The following EPS8 variants were observed in gnomAD, a reference collection of about 807,000 sequenced individuals.
EPS8 encodes epidermal growth factor receptor kinase substrate 8.
A neutral mutation model predicts 103.8 loss-of-function variants in EPS8; 42 were observed. The ratio of observed to expected loss-of-function variants is 0.40; its 90% CI spans 0.32 to 0.52. The LOEUF is 0.52. EPS8 is among the 20% of genes least tolerant of loss of function. The pLI is 0.40. For missense variants in EPS8, 969 were observed against 1,005.1 expected, an observed-to-expected ratio of 0.96 and a Z score of 0.49; for synonymous variants, 344 against 344.6, an observed-to-expected ratio of 1.00 and a Z score of 0.02.
intron 17 of EPS8, among the ~76,000 whole-genome samples, chr12:15,634,157 C>T (rs1205463798): frequency 6.6e-6 from 1 of 152,130 alleles, no homozygotes; most frequent in Non-Finnish European, 1.5e-5. Flanking sequence ...TGAGACTTTC[C>T]CAGTAATTAG....
At chr12:15,729,441 C>T (rs1946689293) in intron 1 of EPS8, among the ~76,000 whole-genome samples, 1 of 152,036 alleles carries the variant, frequency 6.6e-6, no homozygotes, top group African/African-American at 2.4e-5. Flanking sequence ...TATTCTGTTT[C>T]AGTTTTTTCC....
At chr12:15,654,059 A>G in intron 13 of EPS8, 86 bp downstream of exon 13, 1 of 1,290,646 alleles carries the variant, frequency 7.7e-7, no homozygotes, top group Non-Finnish European at 1.1e-6. Flanking sequence ...AGTCCTTCGT[A>G]TGTAGAAGGT....
In EPS8 at chr12:15,701,696, G is replaced by C. The variant is rs1267111687; in HGVS notation, c.-21-18724C>G. Among the ~76,000 whole-genome samples, 1 of 152,140 alleles carries C rather than the reference G, an allele frequency of 6.6e-6. No homozygotes were observed. Among genetic ancestry groups the C allele is most frequent in the Non-Finnish European group, 1.5e-5 (1 of 68,020 alleles). ...AAGCTTTGAAACATTACACTGTCCA[G>C]ATACATTTATGTCAATCTCACTTGT... On this transcript the variant is annotated intron_variant, in intron 1 of 20. Transcript: ENST00000281172. The surrounding 1 kb of genome is among the most constrained non-coding windows in gnomAD (Gnocchi z 5.1).
At chr12:15,718,749 T>G (rs1490029008) in intron 1 of EPS8, among the ~76,000 whole-genome samples, 1 of 152,142 alleles carries the variant, frequency 6.6e-6, no homozygotes, top group African/African-American at 2.4e-5. Flanking sequence ...TAAAACGCAT[T>G]TTTAAACCTA....
chr12:15,744,398 G>A (rs1484151501), intron 1 of EPS8, among the ~76,000 whole-genome samples: 2 of 152,130 alleles, frequency 1.3e-5, no homozygotes, highest in Non-Finnish European at 2.9e-5. Flanking sequence ...CACTGTTCTA[G>A]ATCCAAGTAT....
chr12:15,761,099 G>A lies in EPS8; in HGVS notation c.-22+28062C>T, dbSNP rs566389808. 9.9e-5 allele frequency among the ~76,000 whole-genome samples: 15 copies of A among 151,960 alleles called. 1 individual carries two copies. The South Asian group carries it at 3.1e-3, about 32-fold the overall frequency. On this transcript the variant is annotated intron_variant, in intron 1 of 20. Coordinates refer to ENST00000281172, the MANE Select transcript of EPS8 (RefSeq NM_004447.6). This position sits in a 1 kb window ranked among gnomAD's most constrained non-coding sequence, Gnocchi z 4.5. ...AACTGATAAATTCATTAAAGTTGCA[G>A]TATATATAATCAAATTACAAAAATC...
chr12:15,712,049 T>G (rs1946472536), intron 1 of EPS8, among the ~76,000 whole-genome samples: 1 of 152,180 alleles, frequency 6.6e-6, no homozygotes. Flanking sequence ...TGAGTAAGAT[T>G]AAATGTAATA....
chr12:15,686,110 G>A (rs1009888355), intron 1 of EPS8, among the ~76,000 whole-genome samples: 1 of 152,034 alleles, frequency 6.6e-6, no homozygotes, highest in African/African-American at 2.4e-5. Context: ...GCCACCCAGA[G>A]ACAGCAAAAC....
At position 15,787,955 on chromosome 12, in the gene EPS8, A is replaced by G. The variant is rs993178035; in HGVS notation, c.-22+1206T>C. ...GGATGACATTGACTTTAATTCCAAT[A>G]GACTCACTACCACATGACGTCCATT... On this transcript the variant is annotated intron_variant, in intron 1 of 20. Coordinates refer to ENST00000281172, the MANE Select transcript of EPS8 (RefSeq NM_004447.6). This position sits in a 1 kb window ranked among gnomAD's most constrained non-coding sequence, Gnocchi z 4.9. 7 of 152,232 alleles carry G rather than the reference A, an allele frequency of 4.6e-5. No individual in the cohort carries two copies. Among genetic ancestry groups the G allele is most frequent in the African/African-American group, 1.7e-4 (7 of 41,460 alleles). 9.4% of individuals were successfully genotyped at this position (152,232 alleles called of 1,614,324 possible). A position where few individuals can be genotyped will look rare whatever the true frequency, so the allele number is the denominator to read the frequency against.
At chr12:15,726,671 G>T (rs754889273) in intron 1 of EPS8, among the ~76,000 whole-genome samples, 1 of 152,144 alleles carries the variant, frequency 6.6e-6, no homozygotes, top group Non-Finnish European at 1.5e-5. Context: ...AGCAAAAAGA[G>T]GCAAATTTTG....
At position 15,701,114 on chromosome 12, in the gene EPS8, A is replaced by C. The variant is rs2135937145; in HGVS notation, c.-21-18142T>G. On this transcript the variant is annotated intron_variant, in intron 1 of 20. Transcript: ENST00000281172. This position sits in a 1 kb window ranked among gnomAD's most constrained non-coding sequence, Gnocchi z 5.1. ...TAACTAATATCTTTGGCTTCAAAAT[A>C]GTCACTTTTTTAAAAGGTAATTCTT... Among the ~76,000 whole-genome samples the C allele has an allele frequency of 6.6e-6, 1 of 152,346 alleles. No homozygotes were observed. Among genetic ancestry groups the C allele is most frequent in the Non-Finnish European group, 1.5e-5 (1 of 68,030 alleles).
chr12:15,669,314 A>G, intron 6 of EPS8, 73 bp downstream of exon 6: 1 of 1,389,380 alleles, frequency 7.2e-7, no homozygotes, highest in Non-Finnish European at 9.8e-7. Flanking sequence ...CAGATATATT[A>G]TCAAAATAGG....
chr12:15,768,312 C>G (rs1947117857), intron 1 of EPS8, among the ~76,000 whole-genome samples: 1 of 151,016 alleles, frequency 6.6e-6, no homozygotes. Flanking sequence ...GTGGCGGGCA[C>G]CTGTAATCCC....
At position 15,738,648 on chromosome 12, in the gene EPS8, C is replaced by T. The variant is rs1344695724; in HGVS notation, c.-22+50513G>A. Among the ~76,000 whole-genome samples, 1 of 152,062 alleles carries T rather than the reference C, an allele frequency of 6.6e-6. No individual in the cohort carries two copies. The highest frequency in any genetic ancestry group is 1.5e-5 in the Non-Finnish European group (1 of 68,010). On this transcript the variant is annotated intron_variant, in intron 1 of 20. Coordinates refer to ENST00000281172, the MANE Select transcript of EPS8 (RefSeq NM_004447.6). The surrounding 1 kb of genome is among the most constrained non-coding windows in gnomAD (Gnocchi z 6.2). The stretch of plus-strand genomic sequence containing the variant: ...TTATGCCCTAGGGCATTTTAAGTAC[C>T]TTAAAGCACTTGTGTTGTATTTAAT...
chr12:15,666,870 A>G (rs372958022), intron 6 of EPS8, among the ~76,000 whole-genome samples: 19 of 152,324 alleles, frequency 1.2e-4, no homozygotes, highest in African/African-American at 1.4e-4. Context: ...CACATAGAAC[A>G]GAGTTCCTTC....
intron 1 of EPS8, among the ~76,000 whole-genome samples, chr12:15,687,237 A>T (rs1254823492): frequency 6.6e-6 from 1 of 152,102 alleles, no homozygotes; most frequent in Non-Finnish European, 1.5e-5. Context: ...AGACGGCACC[A>T]TGTATTTTTC....
chr12:15,653,364 C>T (rs753963438), intron 13 of EPS8, among the ~76,000 whole-genome samples: 4 of 152,178 alleles, frequency 2.6e-5, no homozygotes, highest in Non-Finnish European at 4.4e-5. Flanking sequence ...TTTAGCATGG[C>T]ACTGAAAGCC....
intron 1 of EPS8, among the ~76,000 whole-genome samples, chr12:15,732,921 T>C (rs1331604675): frequency 6.6e-6 from 1 of 152,146 alleles, no homozygotes; most frequent in African/African-American, 2.4e-5. Context: ...AAATATAACG[T>C]TTTCTTGTAG....
At chr12:15,644,671 C>G (rs934946642) in intron 15 of EPS8, among the ~76,000 whole-genome samples, 1 of 149,706 alleles carries the variant, frequency 6.7e-6, no homozygotes, top group Non-Finnish European at 1.5e-5. Context: ...GCACTCCAGC[C>G]TGGGCGACAG....
Sources: gnomAD v4.1 joint callset for allele counts (sites outside exome capture counted in the v4.1 genomes callset) on GRCh38, gnomAD v4.1.1 for gene constraint, Gnocchi (gnomAD v3.1) non-coding constraint, MANE v1.5 for transcripts, NCBI Gene and HGNC (gene_info 2026-07-23, HGNC 2026-07-21) for gene names.